WDPCP: variants seen among roughly 807,000 people sequenced by gnomAD.
The protein encoded by WDPCP is WD repeat containing planar cell polarity effector, also known as WD repeat-containing and planar cell polarity effector protein fritz homolog.
WDPCP carries 71 observed loss-of-function variants against 93.1 expected under a neutral mutation model. That is an observed-to-expected ratio of 0.76 (90% CI 0.63 to 0.93). The LOEUF (loss-of-function observed/expected upper bound fraction) is 0.93, where lower values mean the gene tolerates loss of function less well. Among genes scored for constraint, WDPCP ranks in the 40% least tolerant of loss-of-function variants. The probability of loss-of-function intolerance (pLI) is 0.00; values close to 1 mark genes in which losing one functional copy is unlikely to be tolerated. For synonymous variants in WDPCP, 315 were observed against 315.0 expected (o/e 1.00, Z 0.00); for missense variants, 844 against 887.4 (o/e 0.95, Z 0.62).
intron 12 of WDPCP, among the ~76,000 whole-genome samples, chr2:63,341,918 G>C (rs1688868178): frequency 6.6e-6 from 1 of 152,010 alleles, no homozygotes; most frequent in Admixed American, 6.6e-5. Context: ...GAACCTATTT[G>C]TGTCTTTGGA....
chr2:63,821,206 G>C (rs889800448), intron 1 of WDPCP, among the ~76,000 whole-genome samples: 6 of 152,076 alleles, frequency 3.9e-5, no homozygotes, highest in African/African-American at 7.2e-5. Flanking sequence ...GATTTGTCTA[G>C]TCCCTAGAGG....
intron 12 of WDPCP, among the ~76,000 whole-genome samples, chr2:63,376,529 A>G (rs1272329208): frequency 6.6e-6 from 1 of 151,944 alleles, no homozygotes; most frequent in East Asian, 1.9e-4. Flanking sequence ...GAGGCCAGAG[A>G]CAATGAGGAC....
chr2:63,701,930 T>C (rs1417078535), intron 2 of WDPCP, among the ~76,000 whole-genome samples: 1 of 152,228 alleles, frequency 6.6e-6, no homozygotes, highest in Non-Finnish European at 1.5e-5. Flanking sequence ...ACCTAGTGTT[T>C]CATAGATAAA....
intron 1 of WDPCP, among the ~76,000 whole-genome samples, chr2:63,576,594 T>C (rs1337437624): frequency 6.6e-6 from 1 of 152,184 alleles, no homozygotes; most frequent in Non-Finnish European, 1.5e-5. Flanking sequence ...TTTCTTTATG[T>C]AGGCATGATT....
At chr2:63,276,332 CAA>C (rs1419997369) in intron 13 of WDPCP, among the ~76,000 whole-genome samples, 1 of 152,132 alleles carries the variant, frequency 6.6e-6, no homozygotes, top group Non-Finnish European at 1.5e-5. Context: ...TTAACACCCT[CAA>C]GAGAACATAC....
chr2:63,473,896 T>C (rs902749718), intron 6 of WDPCP, among the ~76,000 whole-genome samples: 3 of 152,178 alleles, frequency 2.0e-5, no homozygotes, highest in Admixed American at 1.3e-4. Context: ...AACAGTATGA[T>C]ATACAGTGAC....
At chr2:63,408,199 G>T (rs768144083) in intron 9 of WDPCP, among the ~76,000 whole-genome samples, 1 of 152,166 alleles carries the variant, frequency 6.6e-6, no homozygotes, top group African/African-American at 2.4e-5. Context: ...AAGAGCCACA[G>T]ACTCTCTGAA....
intron 3 of WDPCP, among the ~76,000 whole-genome samples, chr2:63,639,334 A>G (rs1331353813): frequency 1.3e-5 from 2 of 152,214 alleles, no homozygotes; most frequent in South Asian, 2.1e-4. Context: ...TTGTGGAGAC[A>G]GGGTCTACTG....
At chr2:63,270,478 C>G (rs913915540) in intron 13 of WDPCP, among the ~76,000 whole-genome samples, 1 of 151,798 alleles carries the variant, frequency 6.6e-6, no homozygotes, top group Admixed American at 6.6e-5. Flanking sequence ...AAATTATTCA[C>G]GGTGGGGAGG....
At chr2:63,212,676 T>A (rs1462919503) in intron 14 of WDPCP, among the ~76,000 whole-genome samples, 3 of 151,874 alleles carry the variant, frequency 2.0e-5, no homozygotes, top group Non-Finnish European at 4.4e-5. Flanking sequence ...GACTGGCAAA[T>A]TGGATAAAGA....
chr2:63,526,678 T>G (rs1236870887), intron 1 of WDPCP, among the ~76,000 whole-genome samples: 1 of 152,246 alleles, frequency 6.6e-6, no homozygotes, highest in Non-Finnish European at 1.5e-5. Context: ...CTCTTCCCTG[T>G]GGTTTTTACA....
rs1339594727 is a variant in WDPCP at position 63,174,716 on chromosome 2, G to A, written c.2032C>T (p.His678Tyr). 6.2e-7 allele frequency: 1 copy of A among 1,613,968 alleles called. No individual in the cohort carries two copies. Among genetic ancestry groups the A allele is most frequent in the South Asian group, 1.1e-5 (1 of 91,076 alleles). The change falls in exon 15 of 18, where the codon CAC becomes TAC. Residue 678 changes from histidine to tyrosine, a missense_variant. His to Tyr is a moderately conservative substitution (Grantham distance 83). Transcript: ENST00000272321. ...PDNLPPSCPTHRHILQQRILN... is the reference protein window; with the variant it reads ...PDNLPPSCPTYRHILQQRILN... Reference sequence around the variant, plus strand: ...ATTCTTTGTTGTAAAATATGTCTGTGGGTTGGGCAAGAGGGAGGGAGGTTA... The same window carrying A: ...ATTCTTTGTTGTAAAATATGTCTGTAGGTTGGGCAAGAGGGAGGGAGGTTA...
At chr2:63,670,111 G>A (rs1710326501) in intron 2 of WDPCP, among the ~76,000 whole-genome samples, 13 of 152,158 alleles carry the variant, frequency 8.5e-5, no homozygotes, top group Admixed American at 8.5e-4. Context: ...CAGCCACAGA[G>A]AGCACAATCT....
chr2:63,597,156 C>T, intron 3 of WDPCP: 1 of 423,038 alleles, frequency 2.4e-6, no homozygotes, highest in Non-Finnish European at 3.2e-6. Context: ...AAGATAAAAG[C>T]TATGGAGTTT....
the WDPCP span, among the ~76,000 whole-genome samples, chr2:63,838,457 ATGG>A: frequency 1.3e-5 from 2 of 152,216 alleles, no homozygotes; most frequent in African/African-American, 4.8e-5. Flanking sequence ...ATGGTCGCAT[ATGG>A]AACCAGACAA....
intron 11 of WDPCP, among the ~76,000 whole-genome samples, chr2:63,381,649 T>C (rs1249605976): frequency 6.6e-6 from 1 of 152,174 alleles, no homozygotes; most frequent in African/African-American, 2.4e-5. Context: ...TTAGACTGAA[T>C]TGTACAATGA....
At chr2:63,458,457 G>T (rs758073959) in intron 6 of WDPCP, among the ~76,000 whole-genome samples, 2 of 151,910 alleles carry the variant, frequency 1.3e-5, no homozygotes, top group Non-Finnish European at 2.9e-5. Flanking sequence ...AATGAACTAG[G>T]CGAGAAAGAA....
chr2:63,831,685 A>G (rs10187013), upstream of WDPCP, among the ~76,000 whole-genome samples: 33,441 of 148,922 alleles, frequency 0.22, 5,003 homozygotes, highest in East Asian at 0.78. Flanking sequence ...TTGTGTGTGT[A>G]TATATATATA....
At chr2:63,321,401 T>C (rs1432879459) in intron 12 of WDPCP, among the ~76,000 whole-genome samples, 2 of 149,858 alleles carry the variant, frequency 1.3e-5, no homozygotes, top group South Asian at 4.2e-4. Context: ...TGTGTGTGTG[T>C]GTGTGTGTGT....
Sources: gnomAD v4.1 joint callset for allele counts (sites outside exome capture counted in the v4.1 genomes callset) on GRCh38, gnomAD v4.1.1 for gene constraint, MANE v1.5 for transcripts, NCBI Gene and HGNC (gene_info 2026-07-23, HGNC 2026-07-21) for gene names.